The following FHIT variants were observed in gnomAD, a reference collection of about 807,000 sequenced individuals.
The protein encoded by FHIT is bis(5'-adenosyl)-triphosphatase.
FHIT carries 19 observed loss-of-function variants against 17.9 expected under a neutral mutation model. The ratio of observed to expected loss-of-function variants is 1.06; its 90% CI spans 0.74 to 1.56. FHIT has a LOEUF of 1.56. FHIT is among the 40% of genes most tolerant of loss of function. The pLI, the probability that FHIT is intolerant of heterozygous loss-of-function variation, is 0.00. For missense variants in FHIT, 248 were observed against 189.2 expected (o/e 1.31, Z -1.82); for synonymous variants, 81 against 69.7 (o/e 1.16, Z -0.81).
At chr3:60,861,851 G>C (rs1168664447) in intron 3 of FHIT, among the ~76,000 whole-genome samples, 1 of 151,538 alleles carries the variant, frequency 6.6e-6, no homozygotes, top group Non-Finnish European at 1.5e-5. Context: ...TAGGGAGGCT[G>C]AGGCAGGAGA....
Position 60,386,924 on chromosome 3 carries a change from T to C in FHIT, c.103+149936A>G, listed in dbSNP as rs559171152. ...GGTGGTCCACAATTCCATAGCCTGT[T>C]AGGGTTAAAGCTGGGATTCTAATCT... On this transcript the variant is annotated intron_variant, in intron 5 of 9. Transcript: ENST00000492590. 6.6e-5 allele frequency among the ~76,000 whole-genome samples: 10 copies of C among 152,220 alleles called. No homozygotes were observed. In the South Asian group the frequency reaches 2.1e-3, roughly 32 times the overall value.
chr3:60,638,452 G>A (rs2039643761), intron 4 of FHIT, among the ~76,000 whole-genome samples: 1 of 152,150 alleles, frequency 6.6e-6, no homozygotes, highest in Non-Finnish European at 1.5e-5. Flanking sequence ...TTAACTAAAT[G>A]TGGGATAATA....
intron 5 of FHIT, among the ~76,000 whole-genome samples, chr3:60,051,616 G>A (rs941720936): frequency 3.3e-5 from 5 of 152,084 alleles, no homozygotes; most frequent in African/African-American, 1.2e-4. Context: ...GCTATTAACT[G>A]AACCTGGAAA....
At chr3:60,146,127 T>A (rs1423133692) in intron 5 of FHIT, among the ~76,000 whole-genome samples, 1 of 151,822 alleles carries the variant, frequency 6.6e-6, no homozygotes, top group African/African-American at 2.4e-5. Flanking sequence ...CAAACCAAAG[T>A]CAAACTGAAG....
At chr3:60,405,467 A>G (rs532714611) in intron 5 of FHIT, among the ~76,000 whole-genome samples, 15 of 152,178 alleles carry the variant, frequency 9.9e-5, no homozygotes, top group South Asian at 6.2e-4. Flanking sequence ...TCAATGCTCA[A>G]TGAAATTCTT....
chr3:60,288,128 G>T (rs528100363), intron 5 of FHIT, among the ~76,000 whole-genome samples: 3 of 152,160 alleles, frequency 2.0e-5, no homozygotes, highest in Non-Finnish European at 4.4e-5. Flanking sequence ...AAGGCTGGAA[G>T]TTGGCGCTGG....
At chr3:61,190,411 C>T (rs978641053) in intron 2 of FHIT, among the ~76,000 whole-genome samples, 6 of 152,102 alleles carry the variant, frequency 3.9e-5, no homozygotes, top group African/African-American at 7.2e-5. Flanking sequence ...GCATGGCGAT[C>T]ATTAAAAAGT....
intron 3 of FHIT, among the ~76,000 whole-genome samples, chr3:60,950,825 G>A (rs1323330014): frequency 1.3e-5 from 2 of 151,970 alleles, no homozygotes; most frequent in African/African-American, 4.8e-5. Context: ...GCCCGGCCTA[G>A]GTAGGGCTTT....
chr3:60,896,858 T>C (rs1553762080), intron 3 of FHIT, among the ~76,000 whole-genome samples: 3 of 152,162 alleles, frequency 2.0e-5, no homozygotes, highest in South Asian at 2.1e-4. Context: ...CTCAAAACTA[T>C]ATAAAAAGGT....
chr3:60,557,382 C>T (rs751059866), intron 4 of FHIT, among the ~76,000 whole-genome samples: 37 of 151,204 alleles, frequency 2.4e-4, no homozygotes, highest in Middle Eastern at 3.4e-3. Context: ...GGTGGGTGAG[C>T]GGAGGAGGTG....
At position 60,800,406 on chromosome 3, in the gene FHIT, C is replaced by A. The variant is rs76420064; in HGVS notation, c.-18+21513G>T. ...ATCCAGCCAGCAGCATGGAGTGGAACCCCAAAACATATTGATATCATTGGC... is the reference window on the plus strand; with the variant it reads ...ATCCAGCCAGCAGCATGGAGTGGAAACCCAAAACATATTGATATCATTGGC... On this transcript the variant is annotated intron_variant, in intron 4 of 9. Transcript: ENST00000492590. Among the ~76,000 whole-genome samples the A allele has an allele frequency of 3.6e-3, 553 of 152,238 alleles. 1 individual carries two copies. The highest frequency in any genetic ancestry group is 0.012 in the African/African-American group (510 of 41,534).
intron 5 of FHIT, among the ~76,000 whole-genome samples, chr3:60,286,312 A>T (rs546692105): frequency 2.6e-5 from 4 of 152,216 alleles, no homozygotes; most frequent in Admixed American, 1.3e-4. Context: ...GAAACTTGGA[A>T]TAAATTAGAG....
intron 3 of FHIT, among the ~76,000 whole-genome samples, chr3:61,007,618 G>C (rs1232849955): frequency 6.6e-6 from 1 of 152,186 alleles, no homozygotes; most frequent in African/African-American, 2.4e-5. Flanking sequence ...TTCTCACTCT[G>C]ACACAAAATT....
chr3:60,844,090 C>G (rs1702838171), intron 3 of FHIT, among the ~76,000 whole-genome samples: 1 of 152,130 alleles, frequency 6.6e-6, no homozygotes, highest in Admixed American at 6.5e-5. Context: ...AAAGTTAACT[C>G]TCTCCAAGGA....
At chr3:60,648,033 T>C (rs2039901588) in intron 4 of FHIT, among the ~76,000 whole-genome samples, 2 of 152,128 alleles carry the variant, frequency 1.3e-5, no homozygotes, top group South Asian at 2.1e-4. Flanking sequence ...TATGCAGGGT[T>C]TGGACTTCTG....
At chr3:59,976,630 C>G (rs1436433547) in intron 7 of FHIT, among the ~76,000 whole-genome samples, 1 of 152,032 alleles carries the variant, frequency 6.6e-6, no homozygotes, top group Non-Finnish European at 1.5e-5. Flanking sequence ...GCAGCCCTAC[C>G]TACCACAACC....
chr3:60,327,297 C>T (rs1292424536), intron 5 of FHIT, among the ~76,000 whole-genome samples: 4 of 152,144 alleles, frequency 2.6e-5, no homozygotes, highest in Non-Finnish European at 5.9e-5. Context: ...CCTTATTTAC[C>T]AATATATTCC....
chr3:60,938,763 C>T (rs1708293856), intron 3 of FHIT, among the ~76,000 whole-genome samples: 1 of 152,158 alleles, frequency 6.6e-6, no homozygotes, highest in South Asian at 2.1e-4. Flanking sequence ...AACAATTCTC[C>T]AAGTTTCTCA....
At chr3:61,160,802 T>A (rs999153027) in intron 2 of FHIT, among the ~76,000 whole-genome samples, 1 of 152,232 alleles carries the variant, frequency 6.6e-6, no homozygotes, top group Non-Finnish European at 1.5e-5. Flanking sequence ...CCCTATGGTC[T>A]TTAATGCATT....
Sources: gnomAD v4.1 joint callset for allele counts (sites outside exome capture counted in the v4.1 genomes callset) on GRCh38, gnomAD v4.1.1 for gene constraint, MANE v1.5 for transcripts, NCBI Gene and HGNC (gene_info 2026-07-23, HGNC 2026-07-21) for gene names.